Variants in SORCS1 observed in about 807,000 individuals in gnomAD.
SORCS1 encodes the protein sortilin related VPS10 domain containing receptor 1.
Under a neutral mutation model 146.1 loss-of-function variants are expected in SORCS1, and 60 were observed. The observed-to-expected ratio is 0.41, with a 90% CI of 0.33 to 0.51. The LOEUF is 0.51. Ranked by LOEUF, SORCS1 falls within the 20% of genes least tolerant of loss-of-function variation. The pLI is 0.21. For synonymous variants in SORCS1, 637 were observed against 584.0 expected (o/e 1.09, Z -1.31); for missense variants, 1,352 against 1,487.6 (o/e 0.91, Z 1.50).
intron 4 of SORCS1, among the ~76,000 whole-genome samples, chr10:106,769,233 C>T (rs1267207271): frequency 6.6e-6 from 1 of 152,100 alleles, no homozygotes; most frequent in Non-Finnish European, 1.5e-5. Flanking sequence ...CGCTTGTAAT[C>T]CCAGCACTTT....
chr10:106,641,461 T>C lies in SORCS1; in HGVS notation c.2475+10921A>G, dbSNP rs1365716536. On this transcript the variant is annotated intron_variant, in intron 18 of 25. Coordinates refer to ENST00000263054, the MANE Select transcript of SORCS1 (RefSeq NM_052918.5). Reference sequence around the variant, plus strand: ...GGTTTTAGCCATGTTTTCATTGATATTCTTATGCTAGAATTAGGACATGCA... The same window carrying C: ...GGTTTTAGCCATGTTTTCATTGATACTCTTATGCTAGAATTAGGACATGCA... Among the ~76,000 whole-genome samples, 6 of 152,338 alleles carry C rather than the reference T, an allele frequency of 3.9e-5. No individual in the cohort carries two copies. In the East Asian group the frequency reaches 7.7e-4, roughly 20 times the overall value.
chr10:106,667,800 T>A lies in SORCS1; in HGVS notation c.2192A>T (p.Asp731Val). The A allele has an allele frequency of 6.2e-7, 1 of 1,613,398 alleles. No individual in the cohort carries two copies. Among genetic ancestry groups the A allele is most frequent in the Non-Finnish European group, 8.5e-7 (1 of 1,179,684 alleles). Residue 731 changes from aspartate to valine, a missense_variant and splice_region_variant, in exon 17 of 26, where the codon GAC becomes GTC. Physicochemically the swap from Asp to Val is radical, Grantham distance 152 (BLOSUM62 -3). Around this residue, in one of 3 missense-constraint regions of SORCS1, gnomAD observed 648 missense variants for 793.8 expected, o/e 0.82. Coordinates refer to ENST00000263054, the MANE Select transcript of SORCS1 (RefSeq NM_052918.5). ...CVCTEADFDC[D>V]YGYERHSNGQ... ...ATTGCTGTGTCGCTCATAACCATAGTCGCTGTTAGGAAAGAGCCGAGAAAA... is the reference window on the plus strand; with the variant it reads ...ATTGCTGTGTCGCTCATAACCATAGACGCTGTTAGGAAAGAGCCGAGAAAA...
At chr10:106,815,443 T>G (rs1294333927) in intron 3 of SORCS1, among the ~76,000 whole-genome samples, 1 of 152,206 alleles carries the variant, frequency 6.6e-6, no homozygotes, top group African/African-American at 2.4e-5. Flanking sequence ...AAGTTAGGTA[T>G]GTATGGGAGG....
chr10:106,813,888 G>A (rs975441095), intron 3 of SORCS1, among the ~76,000 whole-genome samples: 14 of 152,172 alleles, frequency 9.2e-5, no homozygotes, highest in African/African-American at 3.1e-4. Flanking sequence ...GGGAATTGAA[G>A]GCTGCAGTGA....
chr10:106,854,044 C>T (rs941368343), intron 2 of SORCS1, among the ~76,000 whole-genome samples: 11 of 151,632 alleles, frequency 7.3e-5, no homozygotes, highest in African/African-American at 1.9e-4. Flanking sequence ...TTTTGAAAGA[C>T]GATGTTAAGG....
rs763446272 is a variant in SORCS1 at position 107,163,987 on chromosome 10, C to G, written c.540G>C (p.Trp180Cys). The G allele has an allele frequency of 3.1e-6, 5 of 1,613,722 alleles. No homozygotes were observed. The highest frequency in any genetic ancestry group is 3.4e-6 in the Non-Finnish European group (4 of 1,179,784). The change falls in exon 1 of 26, where the codon TGG becomes TGC. Residue 180 changes from tryptophan to cysteine, a missense_variant. By Grantham distance (215) the Trp-to-Cys change is radical. This residue lies in a region of SORCS1 where 490 missense variants were observed against 489.1 expected (regional missense o/e 1.00). Transcript: ENST00000263054. ...DSAHNQAMVH[W>C]SGHNSSVILI... ...TACTCACGCTGCTGTTGTGGCCAGA[C>G]CAGTGGACCATGGCTTGGTTGTGTG... is the stretch of plus-strand genomic sequence containing the variant.
intron 3 of SORCS1, among the ~76,000 whole-genome samples, chr10:106,829,158 C>T (rs1948426221): frequency 6.6e-6 from 1 of 152,218 alleles, no homozygotes; most frequent in South Asian, 2.1e-4. Flanking sequence ...TGCTGCAGGA[C>T]AATGCATTCA....
rs561602602 is a variant in SORCS1, at chr10:107,032,278, G to T, written c.559-75698C>A. 1.2e-4 allele frequency among the ~76,000 whole-genome samples: 18 copies of T among 152,214 alleles called. No homozygotes were observed. The South Asian group carries it at 3.3e-3, about 28-fold the overall frequency. On this transcript the variant is annotated intron_variant, in intron 1 of 25. Coordinates refer to ENST00000263054, the MANE Select transcript of SORCS1 (RefSeq NM_052918.5). ...TTTAAGCAAGAAAGGGCAAAAAAGG[G>T]GAAGTTATTACATTTATAAAGAGGC...
chr10:107,163,913 C>G (rs553762254), intron 1 of SORCS1, 56 bp downstream of exon 1: 28 of 1,546,582 alleles, frequency 1.8e-5, no homozygotes, highest in Non-Finnish European at 2.5e-5. Flanking sequence ...ATCACACAGC[C>G]GACTTTAACC....
chr10:106,933,267 T>A (rs796663333), intron 2 of SORCS1, among the ~76,000 whole-genome samples: 50 of 152,280 alleles, frequency 3.3e-4, no homozygotes, highest in African/African-American at 1.1e-3. Flanking sequence ...CAGATTAAAA[T>A]CACCTGGGTA....
chr10:106,620,573 G>A lies in SORCS1; in HGVS notation c.2663-12C>T, dbSNP rs1230116355. ...GTGCTCCAAGGGACCTGAGGCACAA[G>A]AGAAAGAGAGGCCATGGATGGGGAA... is the stretch of plus-strand genomic sequence containing the variant. On this transcript the variant is annotated splice_polypyrimidine_tract_variant and intron_variant, in intron 19 of 25. Coordinates refer to ENST00000263054, the MANE Select transcript of SORCS1 (RefSeq NM_052918.5). 9 of 1,612,570 alleles carry A rather than the reference G, an allele frequency of 5.6e-6. No individual in the cohort carries two copies. In the South Asian group the frequency reaches 6.6e-5, roughly 12 times the overall value.
chr10:107,019,118 T>C (rs35800472), intron 1 of SORCS1, among the ~76,000 whole-genome samples: 1,888 of 152,328 alleles, frequency 0.012, 26 homozygotes, highest in Middle Eastern at 0.027. Flanking sequence ...TGTAAACTCC[T>C]AAGCATCACA....
At chr10:106,792,510 G>C (rs541975752) in intron 3 of SORCS1, among the ~76,000 whole-genome samples, 2 of 152,214 alleles carry the variant, frequency 1.3e-5, no homozygotes, top group Non-Finnish European at 2.9e-5. Flanking sequence ...AACCTCAAGA[G>C]AGTGAAATTA....
At chr10:106,955,724 T>C (rs1325595178) in intron 2 of SORCS1, among the ~76,000 whole-genome samples, 1 of 152,202 alleles carries the variant, frequency 6.6e-6, no homozygotes, top group Non-Finnish European at 1.5e-5. Flanking sequence ...CGGTGGCTCA[T>C]GCCTGTAATC....
chr10:106,630,091 T>A (rs777120960), intron 18 of SORCS1, among the ~76,000 whole-genome samples: 20 of 152,090 alleles, frequency 1.3e-4, no homozygotes, highest in Non-Finnish European at 1.8e-4. Context: ...TTAGCCTACC[T>A]GACTGACATG....
chr10:107,028,046 A>T (rs1589965682), intron 1 of SORCS1, among the ~76,000 whole-genome samples: 1 of 152,194 alleles, frequency 6.6e-6, no homozygotes, highest in East Asian at 1.9e-4. Context: ...AAGAAAACAG[A>T]AGTTGGTGTT....
upstream of SORCS1, among the ~76,000 whole-genome samples, chr10:107,168,966 T>G (rs1970106204): frequency 6.6e-6 from 1 of 152,298 alleles, no homozygotes; most frequent in East Asian, 1.9e-4. Flanking sequence ...GTGTGCACTT[T>G]TTTTAGGCTG....
chr10:107,029,648 G>C (rs1412915569), intron 1 of SORCS1, among the ~76,000 whole-genome samples: 1 of 152,110 alleles, frequency 6.6e-6, no homozygotes, highest in Middle Eastern at 3.2e-3. Flanking sequence ...GTAAGAATTA[G>C]GTACTCTAGA....
chr10:106,676,307 G>T (rs549848959), intron 13 of SORCS1, among the ~76,000 whole-genome samples: 2 of 152,114 alleles, frequency 1.3e-5, no homozygotes, highest in East Asian at 3.9e-4. Context: ...TGTGGGACAC[G>T]CACAGGCAGA....
Sources: gnomAD v4.1 joint callset for allele counts (sites outside exome capture counted in the v4.1 genomes callset) on GRCh38, gnomAD v4.1.1 for gene constraint, gnomAD v4.1.1 regional missense constraint, MANE v1.5 for transcripts, NCBI Gene and HGNC (gene_info 2026-07-23, HGNC 2026-07-21) for gene names.